Variants in APP observed in about 807,000 individuals in gnomAD.
APP encodes amyloid-beta precursor protein.
Under a neutral mutation model 101.4 loss-of-function variants are expected in APP, and 31 were observed. That is an observed-to-expected ratio of 0.31 (90% CI 0.23 to 0.41). The LOEUF is 0.41. Ranked by LOEUF, APP falls within the 10% of genes least tolerant of loss-of-function variation. The probability of loss-of-function intolerance (pLI) is 1.00; values close to 1 mark genes in which losing one functional copy is unlikely to be tolerated. For synonymous variants in APP, 366 were observed against 364.4 expected (o/e 1.00, Z -0.05); for missense variants, 839 against 1,003.7 (o/e 0.84, Z 2.22).
At chr21:25,936,473 G>A (rs1472433907) in intron 13 of APP, among the ~76,000 whole-genome samples, 3 of 152,222 alleles carry the variant, frequency 2.0e-5, no homozygotes, top group Non-Finnish European at 2.9e-5. Flanking sequence ...AACCCAGGAG[G>A]TGGAGGTTGC....
rs199644062 is a variant in APP at position 26,111,965 on chromosome 21, C to T, written c.225+14G>A. ...TGATCCAACGTGAATTGCTAGCCACCGGACAGGACTTACTTCTTGGCAATA... is the reference window on the plus strand; with the variant it reads ...TGATCCAACGTGAATTGCTAGCCACTGGACAGGACTTACTTCTTGGCAATA... On this transcript the variant is annotated intron_variant, in intron 2 of 17. Coordinates refer to ENST00000346798, the MANE Select transcript of APP (RefSeq NM_000484.4). The T allele has an allele frequency of 1.2e-4, 189 of 1,613,834 alleles. No homozygotes were observed. The highest frequency in any genetic ancestry group is 1.1e-3 in the East Asian group (50 of 44,870).
intron 11 of APP, among the ~76,000 whole-genome samples, chr21:25,961,889 G>A (rs919824842): frequency 9.3e-5 from 14 of 151,114 alleles, no homozygotes; most frequent in African/African-American, 3.4e-4. Flanking sequence ...TATTGATAAA[G>A]AGAGTTTAAG....
At chr21:25,909,678 A>C (rs2038972380) in intron 14 of APP, among the ~76,000 whole-genome samples, 1 of 152,240 alleles carries the variant, frequency 6.6e-6, no homozygotes, top group Non-Finnish European at 1.5e-5. Context: ...TTTAGCGTGC[A>C]TTCAATTTAC....
intron 1 of APP, among the ~76,000 whole-genome samples, chr21:26,160,673 A>G (rs1484651887): frequency 6.6e-6 from 1 of 152,210 alleles, no homozygotes; most frequent in Non-Finnish European, 1.5e-5. Context: ...GGAGCCAAAA[A>G]AAAAGACAAT....
intron 1 of APP, among the ~76,000 whole-genome samples, chr21:26,137,401 T>A (rs1314970972): frequency 6.6e-6 from 1 of 152,246 alleles, no homozygotes; most frequent in African/African-American, 2.4e-5. Flanking sequence ...ACTGCCCTTT[T>A]TTTAAACCTA....
intron 6 of APP, among the ~76,000 whole-genome samples, chr21:26,002,150 C>T (rs1474268435): frequency 1.3e-5 from 2 of 152,168 alleles, no homozygotes; most frequent in Non-Finnish European, 2.9e-5. Context: ...TTCGTAGCCA[C>T]GTTTCCATCT....
chr21:26,001,573 A>ACTGCAACCTCTACCTC (rs2043296410), intron 6 of APP, among the ~76,000 whole-genome samples: 1 of 152,224 alleles, frequency 6.6e-6, no homozygotes, highest in Non-Finnish European at 1.5e-5. Flanking sequence ...ATCTTGGCTC[A>ACTGCAACCTCTACCTC]CTGCAACCTC....
At chr21:26,136,557 C>T (rs187036354) in intron 1 of APP, among the ~76,000 whole-genome samples, 5 of 152,106 alleles carry the variant, frequency 3.3e-5, no homozygotes, top group Admixed American at 6.5e-5. Context: ...GTAACCATGC[C>T]CATTTGATTT....
intron 15 of APP, among the ~76,000 whole-genome samples, chr21:25,901,734 C>G (rs374942087): frequency 5.9e-5 from 9 of 152,134 alleles, no homozygotes; most frequent in African/African-American, 2.2e-4. Flanking sequence ...CCTGGTGACT[C>G]CAGCTCTCTC....
chr21:26,035,372 C>A (rs952247768), intron 5 of APP, among the ~76,000 whole-genome samples: 1 of 152,052 alleles, frequency 6.6e-6, no homozygotes, highest in Admixed American at 6.6e-5. Context: ...GATCTGTCAG[C>A]CCGGGGGTTA....
chr21:26,147,553 T>C (rs1459006091), intron 1 of APP, among the ~76,000 whole-genome samples: 1 of 152,206 alleles, frequency 6.6e-6, no homozygotes, highest in Non-Finnish European at 1.5e-5. Context: ...TAGACCCAAG[T>C]ATTTTAGTTT....
intron 2 of APP, among the ~76,000 whole-genome samples, chr21:26,106,237 G>A (rs1246672223): frequency 6.6e-6 from 1 of 152,148 alleles, no homozygotes; most frequent in Non-Finnish European, 1.5e-5. Flanking sequence ...CCCTAATGGG[G>A]AAATTCTAGG....
intron 13 of APP, among the ~76,000 whole-genome samples, chr21:25,913,185 T>C (rs2039169854): frequency 6.6e-6 from 1 of 152,270 alleles, no homozygotes; most frequent in Non-Finnish European, 1.5e-5. Context: ...ATTAAAATTC[T>C]GTTCAAATAT....
intron 1 of APP, among the ~76,000 whole-genome samples, chr21:26,133,881 T>C (rs1022914457): frequency 6.6e-6 from 1 of 152,222 alleles, no homozygotes; most frequent in Non-Finnish European, 1.5e-5. Context: ...ACAGATTTGA[T>C]ATGGTTGACC....
At chr21:26,011,222 C>T (rs1341204350) in intron 6 of APP, among the ~76,000 whole-genome samples, 2 of 151,938 alleles carry the variant, frequency 1.3e-5, no homozygotes, top group Non-Finnish European at 2.9e-5. Context: ...ATTATAGGCA[C>T]CCATCATCAT....
intron 17 of APP, among the ~76,000 whole-genome samples, chr21:25,888,964 ACT>A (rs2037517939): frequency 6.6e-6 from 1 of 152,098 alleles, no homozygotes; most frequent in African/African-American, 2.4e-5. Flanking sequence ...AATTTTCAAC[ACT>A]CAGATTCGCA....
At chr21:25,950,711 G>A (rs998932647) in intron 13 of APP, among the ~76,000 whole-genome samples, 2 of 152,126 alleles carry the variant, frequency 1.3e-5, no homozygotes, top group African/African-American at 2.4e-5. Flanking sequence ...GAATTGAAGT[G>A]GGAGGGGGCC....
At chr21:25,915,482 C>A (rs1340798382) in intron 13 of APP, among the ~76,000 whole-genome samples, 1 of 152,228 alleles carries the variant, frequency 6.6e-6, no homozygotes, top group Non-Finnish European at 1.5e-5. Flanking sequence ...CATGTTCAGC[C>A]CCTATCTATT....
chr21:26,020,469 GA>G (rs2044289366), intron 6 of APP, among the ~76,000 whole-genome samples: 1 of 152,098 alleles, frequency 6.6e-6, no homozygotes, highest in African/African-American at 2.4e-5. Flanking sequence ...GCAACAAAGG[GA>G]AGAAAATACT....
Sources: gnomAD v4.1 joint callset for allele counts (sites outside exome capture counted in the v4.1 genomes callset) on GRCh38, gnomAD v4.1.1 for gene constraint, MANE v1.5 for transcripts, NCBI Gene and HGNC (gene_info 2026-07-23, HGNC 2026-07-21) for gene names.